PPP1R12A: variants seen among roughly 807,000 people sequenced by gnomAD.
The protein encoded by PPP1R12A is myosin binding subunit.
Under a neutral mutation model 139.6 loss-of-function variants are expected in PPP1R12A, and 19 were observed. That is an observed-to-expected ratio of 0.14 (90% CI 0.09 to 0.20). PPP1R12A has a LOEUF of 0.20. PPP1R12A is among the 10% of genes least tolerant of loss of function. The pLI, the probability that PPP1R12A is intolerant of heterozygous loss-of-function variation, is 1.00. For missense variants in PPP1R12A, 925 were observed against 1,211.5 expected, an observed-to-expected ratio of 0.76 and a Z score of 3.51; for synonymous variants, 427 against 420.6, an observed-to-expected ratio of 1.02 and a Z score of -0.19.
intron 22 of PPP1R12A, 154 bp from the exon 23 acceptor site, chr12:79,782,016 A>G: frequency 2.3e-6 from 1 of 439,258 alleles, no homozygotes; most frequent in Non-Finnish European, 4.1e-6. Flanking sequence ...GATTTGTATT[A>G]AAATAATAAA....
At chr12:79,848,168 CAGAAGTT>C (rs1326065807) in intron 2 of PPP1R12A, among the ~76,000 whole-genome samples, 1 of 152,080 alleles carries the variant, frequency 6.6e-6, no homozygotes, top group Non-Finnish European at 1.5e-5. Flanking sequence ...ATTCTACAAA[CAGAAGTT>C]AGACTTGAGG....
At chr12:79,912,378 G>T (rs1040928555) in intron 1 of PPP1R12A, among the ~76,000 whole-genome samples, 1 of 152,060 alleles carries the variant, frequency 6.6e-6, no homozygotes, top group Admixed American at 6.5e-5. Flanking sequence ...CACACACAAG[G>T]CAGGCAAACA....
chr12:79,872,916 T>A lies in PPP1R12A; in HGVS notation c.260A>T (p.Asp87Val), dbSNP rs778302737. 1 of 1,613,088 alleles carries A rather than the reference T, an allele frequency of 6.2e-7. No individual in the cohort carries two copies. ...ATTTTCTACCAGAAACTTCACCATA[T>A]CAACATTGTCATCAATGCAAGCCTA... ...LHQACIDDNV[D>V]MVKFLVENGA... The change falls in exon 2 of 25, where the codon GAT becomes GTT. Residue 87 changes from aspartate (D) to valine (V), a missense_variant. By Grantham distance (152) the Asp-to-Val change is radical (BLOSUM62 -3). Coordinates refer to ENST00000450142, the MANE Select transcript of PPP1R12A (RefSeq NM_002480.3).
chr12:79,790,430 AG>A, intron 20 of PPP1R12A, 36 bp downstream of exon 20: 1 of 1,236,220 alleles, frequency 8.1e-7, no homozygotes. Context: ...GATAAAAATA[AG>A]AAAAAAATGT....
chr12:79,777,152 A>G, intron 24 of PPP1R12A: 1 of 891,896 alleles, frequency 1.1e-6, no homozygotes, highest in Non-Finnish European at 1.3e-6. Context: ...TCAGCTTCAA[A>G]ATATATTAAT....
At chr12:79,891,070 G>C (rs1336750311) in intron 1 of PPP1R12A, among the ~76,000 whole-genome samples, 1 of 151,956 alleles carries the variant, frequency 6.6e-6, no homozygotes, top group Admixed American at 6.6e-5. Context: ...TGGAAGGCAG[G>C]GGGGAACTAC....
intron 1 of PPP1R12A, among the ~76,000 whole-genome samples, chr12:79,881,348 T>C (rs932219288): frequency 2.6e-5 from 4 of 152,148 alleles, no homozygotes; most frequent in Non-Finnish European, 5.9e-5. Flanking sequence ...GCTACTCCAG[T>C]GAACACACAA....
chr12:79,873,826 T>C (rs1458910546), intron 1 of PPP1R12A, among the ~76,000 whole-genome samples: 3 of 152,220 alleles, frequency 2.0e-5, no homozygotes, highest in African/African-American at 7.2e-5. Flanking sequence ...GATGGTTGTC[T>C]TGATGAAAAG....
chr12:79,832,477 C>A lies in PPP1R12A; in HGVS notation c.502G>T (p.Ala168Ser), dbSNP rs1877544200. ...ATCCGTTCTTCTTCCTTTCGAGCTG[C>A]TTCTATATCAACCCCTGATAAAATA... ...EVNRQGVDIEAARKEEERIML... is the reference protein window; with the variant it reads ...EVNRQGVDIESARKEEERIML... The change falls in exon 4 of 25, where the codon GCA becomes TCA. Residue 168 changes from alanine (A) to serine (S), a missense_variant. This residue lies in a region of PPP1R12A where 199 missense variants were observed against 352.4 expected (regional missense o/e 0.56). Coordinates refer to ENST00000450142, the MANE Select transcript of PPP1R12A (RefSeq NM_002480.3). 1 of 1,604,416 alleles carries A rather than the reference C, an allele frequency of 6.2e-7. No homozygotes were observed. Among genetic ancestry groups the A allele is most frequent in the East Asian group, 2.2e-5 (1 of 44,586 alleles).
At chr12:79,848,929 C>T (rs1364559334) in intron 2 of PPP1R12A, 1 of 151,910 alleles carries the variant, frequency 6.6e-6, no homozygotes, top group African/African-American at 2.4e-5. Flanking sequence ...TGCCTGTTGA[C>T]ACCTGTGTGA....
intron 19 of PPP1R12A, 163 bp downstream of exon 19, chr12:79,793,690 CCCTTCCCAGT>C (rs1872163114): frequency 3.8e-6 from 2 of 523,052 alleles, no homozygotes; most frequent in Non-Finnish European, 3.3e-6. Flanking sequence ...TATTTTGTGA[CCCTTCCCAGT>C]CCTTTTAATC....
intron 1 of PPP1R12A, among the ~76,000 whole-genome samples, chr12:79,917,256 G>A (rs1045707870): frequency 4.6e-5 from 7 of 152,178 alleles, no homozygotes; most frequent in African/African-American, 1.7e-4. Context: ...GGAGGCCGAG[G>A]CGGGTGGATC....
chr12:79,816,215 CAG>C (rs754342381), intron 9 of PPP1R12A, among the ~76,000 whole-genome samples: 5 of 152,062 alleles, frequency 3.3e-5, no homozygotes, highest in South Asian at 2.1e-4. Context: ...AAAAAACAAA[CAG>C]AAATACTCAA....
At chr12:79,845,975 G>A (rs1879336313) in intron 2 of PPP1R12A, among the ~76,000 whole-genome samples, 2 of 30,834 alleles carry the variant, frequency 6.5e-5, no homozygotes, top group African/African-American at 1.3e-4. Context: ...ATATGGACTG[G>A]TTTCCTTACT....
At chr12:79,876,187 C>T (rs1883083146) in intron 1 of PPP1R12A, among the ~76,000 whole-genome samples, 1 of 152,224 alleles carries the variant, frequency 6.6e-6, no homozygotes, top group Non-Finnish European at 1.5e-5. Flanking sequence ...AACCCCCTCC[C>T]TACCATTTTA....
chr12:79,931,289 T>A (rs1888235367), intron 1 of PPP1R12A, among the ~76,000 whole-genome samples: 1 of 152,214 alleles, frequency 6.6e-6, no homozygotes, highest in African/African-American at 2.4e-5. Flanking sequence ...GGTGAACTTG[T>A]ATTTACTATA....
At chr12:79,863,867 T>C (rs1208373390) in intron 2 of PPP1R12A, among the ~76,000 whole-genome samples, 1 of 152,106 alleles carries the variant, frequency 6.6e-6, no homozygotes, top group East Asian at 1.9e-4. Flanking sequence ...CGAAGAGACT[T>C]AGACTTCCAC....
rs116329100 is a variant in PPP1R12A at position 79,858,753 on chromosome 12, A to C, written c.369-13333T>G. Among the ~76,000 whole-genome samples, 769 of 152,312 alleles carry C rather than the reference A, an allele frequency of 5.0e-3. 4 individuals are homozygous for C. The highest frequency in any genetic ancestry group is 0.018 in the African/African-American group (730 of 41,564). On this transcript the variant is annotated intron_variant, in intron 2 of 24. Transcript: ENST00000450142. Reference sequence around the variant, plus strand: ...GGAAAGGCCATGAGGCAAGATGCCTAGTCTGTTCAAAGGCTCAACCAAGGG... The same window carrying C: ...GGAAAGGCCATGAGGCAAGATGCCTCGTCTGTTCAAAGGCTCAACCAAGGG...
Position 79,801,345 on chromosome 12 carries a change from C to CAAAAAAAAAAAAAAAA in PPP1R12A, c.2001-2777_2001-2762dup, listed in dbSNP as rs201977462. Among the ~76,000 whole-genome samples, 8 of 20,186 alleles carry CAAAAAAAAAAAAAAAA rather than the reference C, an allele frequency of 4.0e-4. 2 individuals carry two copies. Among genetic ancestry groups the CAAAAAAAAAAAAAAAA allele is most frequent in the Non-Finnish European group, 6.5e-4 (4 of 6,136 alleles). The allele number at this position is 20,186 out of a possible 152,430, so 13.2% of individuals were successfully genotyped here. A position where few individuals can be genotyped will look rare whatever the true frequency, so the allele number is the denominator to read the frequency against. ...GGGCAACTAGAGCAAAACTCTGTCT[C>CAAAAAAAAAAAAAAAA]AAAAAAAAAAAAAAAAAAAAAAAAA... On this transcript the variant is annotated intron_variant, in intron 14 of 24. Coordinates refer to ENST00000450142, the MANE Select transcript of PPP1R12A (RefSeq NM_002480.3).
Sources: gnomAD v4.1 joint callset for allele counts (sites outside exome capture counted in the v4.1 genomes callset) on GRCh38, gnomAD v4.1.1 for gene constraint, gnomAD v4.1.1 regional missense constraint, MANE v1.5 for transcripts, NCBI Gene and HGNC (gene_info 2026-07-23, HGNC 2026-07-21) for gene names.